The following DACH1 variants were observed in gnomAD, a reference collection of about 807,000 sequenced individuals.
The protein encoded by DACH1 is dachshund homolog 1.
In DACH1, 12 loss-of-function variants were observed where a neutral mutation model predicts 54.2. That is an observed-to-expected ratio of 0.22 (90% CI 0.14 to 0.36). The LOEUF (loss-of-function observed/expected upper bound fraction) is 0.36. Ranked by LOEUF, DACH1 falls within the 10% of genes least tolerant of loss-of-function variation. The pLI is 1.00. For synonymous variants in DACH1, 386 were observed against 366.2 expected, an observed-to-expected ratio of 1.05 and a Z score of -0.62; for missense variants, 805 against 929.8, an observed-to-expected ratio of 0.87 and a Z score of 1.75.
chr13:71,516,930 TTA>T (rs10659851), intron 6 of DACH1, among the ~76,000 whole-genome samples: 4 of 147,900 alleles, frequency 2.7e-5, no homozygotes, highest in African/African-American at 7.4e-5. Context: ...ATTTTTATGT[TTA>T]TATATATATA....
At chr13:71,510,451 C>T (rs1298180950) in intron 6 of DACH1, among the ~76,000 whole-genome samples, 1 of 151,934 alleles carries the variant, frequency 6.6e-6, no homozygotes, top group Non-Finnish European at 1.5e-5. Flanking sequence ...ACACCTCCTC[C>T]TATCATTTTG....
chr13:71,504,962 T>G (rs931857731), intron 6 of DACH1, among the ~76,000 whole-genome samples: 31 of 152,192 alleles, frequency 2.0e-4, no homozygotes, highest in Admixed American at 1.8e-3. Flanking sequence ...TTAAAAATAT[T>G]TCACAATGAA....
At chr13:71,678,994 T>A (rs942549475) in intron 2 of DACH1, among the ~76,000 whole-genome samples, 5 of 152,168 alleles carry the variant, frequency 3.3e-5, no homozygotes, top group South Asian at 2.1e-4. Context: ...ATGCTCCTAA[T>A]GAGCCTCCAT....
In DACH1 at chr13:71,672,155, T is replaced by C. The variant is rs1880242738; in HGVS notation, c.964+9640A>G. ...CTGTTCTTTCCATTTATCTGGACTT[T>C]ATATTTCTATCTATTAAGCTTAGGT... On this transcript the variant is annotated intron_variant, in intron 2 of 10. Transcript: ENST00000613252. Among the ~76,000 whole-genome samples the C allele has an allele frequency of 3.3e-5, 5 of 152,292 alleles. No individual in the cohort carries two copies. In the South Asian group the frequency reaches 1.0e-3, roughly 32 times the overall value.
Position 71,456,033 on chromosome 13 carries a change from G to A in DACH1, c.2084-15341C>T, listed in dbSNP as rs73213383. Among the ~76,000 whole-genome samples the A allele has an allele frequency of 9.8e-3, 1,497 of 152,154 alleles. 14 individuals are homozygous for A. Among genetic ancestry groups the A allele is most frequent in the Middle Eastern group, 0.034 (10 of 294 alleles). ...ATGTCCTATTACAAAAAACTGTAAT[G>A]CTAATAGATAATTTTGCAATTTACA... On this transcript the variant is annotated intron_variant, in intron 10 of 10. Transcript: ENST00000613252.
intron 6 of DACH1, among the ~76,000 whole-genome samples, chr13:71,499,532 C>T (rs1307330877): frequency 6.6e-6 from 1 of 152,068 alleles, no homozygotes; most frequent in Admixed American, 6.6e-5. Flanking sequence ...GGACTGTTTG[C>T]CTGTTAGTGA....
intron 1 of DACH1, among the ~76,000 whole-genome samples, chr13:71,864,696 AG>A (rs1256533635): frequency 1.3e-5 from 2 of 152,024 alleles, no homozygotes; most frequent in Admixed American, 1.3e-4. Flanking sequence ...GCGCTGTGAA[AG>A]GGGGTGGAAT....
At chr13:71,749,654 A>T (rs1285659944) in intron 1 of DACH1, among the ~76,000 whole-genome samples, 1 of 152,198 alleles carries the variant, frequency 6.6e-6, no homozygotes, top group Non-Finnish European at 1.5e-5. Flanking sequence ...CAATTAAGGA[A>T]TCATCCCTCA....
chr13:71,824,477 T>G (rs143916329), intron 1 of DACH1, among the ~76,000 whole-genome samples: 1 of 151,962 alleles, frequency 6.6e-6, no homozygotes, highest in Admixed American at 6.6e-5. Flanking sequence ...CTTGCCAGAG[T>G]AATATGCATG....
chr13:71,758,168 G>T (rs950198538), intron 1 of DACH1, among the ~76,000 whole-genome samples: 1 of 152,050 alleles, frequency 6.6e-6, no homozygotes, highest in African/African-American at 2.4e-5. Context: ...CACCGTTTAA[G>T]GTGATGGGTA....
chr13:71,646,339 A>G (rs1467936151), intron 2 of DACH1, among the ~76,000 whole-genome samples: 4 of 149,284 alleles, frequency 2.7e-5, no homozygotes, highest in African/African-American at 9.8e-5. Flanking sequence ...CTCCGTCTCA[A>G]AAAAAAAAAA....
At chr13:71,847,865 T>C (rs1873391635) in intron 1 of DACH1, among the ~76,000 whole-genome samples, 1 of 152,188 alleles carries the variant, frequency 6.6e-6, no homozygotes, top group Non-Finnish European at 1.5e-5. Context: ...ATTATATTGA[T>C]GTGTTCACAA....
intron 6 of DACH1, among the ~76,000 whole-genome samples, chr13:71,513,150 T>A (rs1880907174): frequency 6.6e-6 from 1 of 151,968 alleles, no homozygotes; most frequent in African/African-American, 2.4e-5. Context: ...GCAGTATGTA[T>A]TTGCATTCCA....
intron 6 of DACH1, among the ~76,000 whole-genome samples, chr13:71,501,541 G>A (rs1407990386): frequency 1.3e-5 from 2 of 152,116 alleles, no homozygotes; most frequent in African/African-American, 4.8e-5. Flanking sequence ...TGGAAGAAGG[G>A]AAGAAATTGG....
chr13:71,798,150 T>A (rs1214878377), intron 1 of DACH1, among the ~76,000 whole-genome samples: 1 of 151,672 alleles, frequency 6.6e-6, no homozygotes, highest in Non-Finnish European at 1.5e-5. Context: ...AGGCTGTGTG[T>A]CTCCAAATCC....
intron 2 of DACH1, 103 bp from the exon 3 acceptor site, chr13:71,630,820 T>C: frequency 7.6e-7 from 1 of 1,311,382 alleles, no homozygotes; most frequent in Non-Finnish European, 1.0e-6. Context: ...TTAGAGTATC[T>C]GATTCCTTTA....
intron 6 of DACH1, among the ~76,000 whole-genome samples, chr13:71,496,290 T>C (rs2138220347): frequency 8.3e-6 from 1 of 120,146 alleles, no homozygotes; most frequent in African/African-American, 3.1e-5. Context: ...TATATATATA[T>C]ATATATATAT....
Position 71,735,379 on chromosome 13 carries a change from T to C in DACH1, c.849-53469A>G, listed in dbSNP as rs377030906. Among the ~76,000 whole-genome samples, 60 of 21,808 alleles carry C rather than the reference T, an allele frequency of 2.8e-3. 11 individuals carry two copies. The highest frequency in any genetic ancestry group is 6.6e-3 in the African/African-American group (38 of 5,722). 14.3% of individuals were successfully genotyped at this position (21,808 alleles called of 152,430 possible). A position where few individuals can be genotyped will look rare whatever the true frequency, so the allele number is the denominator to read the frequency against. On this transcript the variant is annotated intron_variant, in intron 1 of 10. Coordinates refer to ENST00000613252, the MANE Select transcript of DACH1 (RefSeq NM_080759.6). The stretch of plus-strand genomic sequence containing the variant: ...GATATACACGTATACGGGATATACG[T>C]GTATATGGGATATACACGTATACGG...
At chr13:71,662,613 A>T (rs148252793) in intron 2 of DACH1, among the ~76,000 whole-genome samples, 4 of 152,210 alleles carry the variant, frequency 2.6e-5, no homozygotes, top group African/African-American at 9.6e-5. Flanking sequence ...TCTAAAAATT[A>T]CATATTCATT....
Sources: gnomAD v4.1 joint callset for allele counts (sites outside exome capture counted in the v4.1 genomes callset) on GRCh38, gnomAD v4.1.1 for gene constraint, MANE v1.5 for transcripts, NCBI Gene and HGNC (gene_info 2026-07-23, HGNC 2026-07-21) for gene names.